The following MYRF variants were observed in gnomAD, a reference collection of about 807,000 sequenced individuals.
MYRF encodes the protein myelin gene regulatory factor.
Under a neutral mutation model 126.3 loss-of-function variants are expected in MYRF, and 16 were observed. The observed-to-expected ratio is 0.13, with a 90% confidence interval of 0.09 to 0.19. The LOEUF is 0.19. Ranked by LOEUF, MYRF falls within the 10% of genes least tolerant of loss-of-function variation. The pLI is 1.00. For synonymous variants in MYRF, 608 were observed against 635.3 expected, an observed-to-expected ratio of 0.96 and a Z score of 0.65; for missense variants, 1,104 against 1,547.0, an observed-to-expected ratio of 0.71 and a Z score of 4.80.
In MYRF at chr11:61,781,844, C is replaced by A; in HGVS notation, c.3016+20C>A. 6.6e-7 allele frequency: 1 copy of A among 1,518,398 alleles called. No individual in the cohort carries two copies. The highest frequency in any genetic ancestry group is 1.3e-5 in the South Asian group (1 of 76,830). The allele number at this position is 1,518,398 out of a possible 1,614,324, so 94.1% of individuals were successfully genotyped here. A position where few individuals can be genotyped will look rare whatever the true frequency, so the allele number is the denominator to read the frequency against. ...AGTCAGGTACTTGCTGCACCCCTGACACTACCCAGCCCAGCCTGGCAAGGC... is the reference window on the plus strand; with the variant it reads ...AGTCAGGTACTTGCTGCACCCCTGAAACTACCCAGCCCAGCCTGGCAAGGC... On this transcript the variant is annotated intron_variant, in intron 22 of 26. Coordinates refer to ENST00000278836, the MANE Select transcript of MYRF (RefSeq NM_001127392.3).
At chr11:61,769,905 G>A (rs879312835) in intron 4 of MYRF, among the ~76,000 whole-genome samples, 1 of 152,074 alleles carries the variant, frequency 6.6e-6, no homozygotes, top group South Asian at 2.1e-4. Flanking sequence ...GGGGGTCTCC[G>A]GAGACGCCTT....
intron 21 of MYRF, 27 bp downstream of exon 21, chr11:61,781,356 G>C: frequency 1.2e-6 from 2 of 1,610,180 alleles, no homozygotes; most frequent in Non-Finnish European, 1.7e-6. Flanking sequence ...GCTGGGGCTT[G>C]GGGCGGGGGC....
rs752534115 is a variant in MYRF, at chr11:61,779,404, G to A, written c.2155G>A (p.Gly719Ser). ...LRRLDSLKST[G>S]SSGAFSHAGS... ...GCGGCTCGACAGCCTCAAGTCCACC[G>A]GCAGCTCGGGCGCCTTCAGGTAGGG... Residue 719 changes from glycine to serine, a missense_variant, in exon 15 of 27, where the codon GGC (glycine) becomes AGC (serine). By Grantham distance (56) the Gly-to-Ser change is moderately conservative. Transcript: ENST00000278836. 57 of 1,551,182 alleles carry A rather than the reference G, an allele frequency of 3.7e-5. No homozygotes were observed. In the East Asian group the frequency reaches 1.2e-3, roughly 33 times the overall value.
At position 61,771,992 on chromosome 11, in the gene MYRF, C is replaced by T. The variant is rs774197948; in HGVS notation, c.1115+40C>T. The stretch of plus-strand genomic sequence containing the variant: ...ACACTCCCCACTCCTCCAGGCCCCC[C>T]CACCTTGGGACGCCCCAGCCCAGGA... On this transcript the variant is annotated intron_variant, in intron 7 of 26. Coordinates refer to ENST00000278836, the MANE Select transcript of MYRF (RefSeq NM_001127392.3). 3.1e-6 allele frequency: 5 copies of T among 1,609,994 alleles called. No homozygotes were observed. In the Admixed American group the frequency reaches 6.7e-5, roughly 22 times the overall value.
rs141597490 is a variant in MYRF at position 61,778,501 on chromosome 11, G to C, written c.2013+12G>C. ...TGGTGGTGAACAAGGTCTGTGGGTGGGGGAATGGGAGGGAGCCCAGAGGCA... is the reference window on the plus strand; with the variant it reads ...TGGTGGTGAACAAGGTCTGTGGGTGCGGGAATGGGAGGGAGCCCAGAGGCA... On this transcript the variant is annotated intron_variant, in intron 14 of 26. Coordinates refer to ENST00000278836, the MANE Select transcript of MYRF (RefSeq NM_001127392.3). The surrounding 1 kb of genome is among the most constrained non-coding windows in gnomAD (Gnocchi z 4.6). 1.1e-3 allele frequency: 1,681 copies of C among 1,599,780 alleles called. 15 individuals are homozygous for C. In the African/African-American group the frequency reaches 0.019, roughly 18 times the overall value.
chr11:61,762,800 A>C (rs966489193), intron 1 of MYRF, among the ~76,000 whole-genome samples: 3 of 152,042 alleles, frequency 2.0e-5, no homozygotes, highest in African/African-American at 7.2e-5. Flanking sequence ...CCCAACCCTC[A>C]AACTTCTTCC....
Position 61,766,063 on chromosome 11 carries a change from T to C in MYRF, c.240T>C (p.Gly80=). The change falls in exon 3 of 27, where the codon GGT becomes GGC. Residue 80 remains glycine (G), a synonymous_variant. Coordinates refer to ENST00000278836, the MANE Select transcript of MYRF (RefSeq NM_001127392.3). ...SGVHHLSPPG[G]GPSPGRHGPL... ...TCCACCACCTGAGCCCCCCTGGGGGTGGACCCTCCCCGGGGCGCCATGGTC... is the reference window on the plus strand; with the variant it reads ...TCCACCACCTGAGCCCCCCTGGGGGCGGACCCTCCCCGGGGCGCCATGGTC... The C allele has an allele frequency of 6.2e-7, 1 of 1,603,418 alleles. No individual in the cohort carries two copies. The highest frequency in any genetic ancestry group is 8.5e-7 in the Non-Finnish European group (1 of 1,177,716).
In MYRF at chr11:61,757,073, C is replaced by G. The variant is rs1236158805; in HGVS notation, c.46+4283C>G. The G allele has an allele frequency of 4.6e-6, 2 of 430,146 alleles. No homozygotes were observed. The highest frequency in any genetic ancestry group is 9.6e-6 in the Non-Finnish European group (2 of 209,294). 26.6% of individuals were successfully genotyped at this position (430,146 alleles called of 1,614,324 possible). On this transcript the variant is annotated intron_variant, in intron 1 of 26. Coordinates refer to ENST00000278836, the MANE Select transcript of MYRF (RefSeq NM_001127392.3). This position sits in a 1 kb window ranked among gnomAD's most constrained non-coding sequence, Gnocchi z 4.7. ...GGGTGGCCCCGCCCTACCCAGGCAGCCTGCCTTACCTTCCCACCTTCCTCT... is the reference window on the plus strand; with the variant it reads ...GGGTGGCCCCGCCCTACCCAGGCAGGCTGCCTTACCTTCCCACCTTCCTCT...
At position 61,766,007 on chromosome 11, in the gene MYRF, G is replaced by A. The variant is rs769855524; in HGVS notation, c.184G>A (p.Gly62Arg). The change falls in exon 3 of 27, where the codon GGG becomes AGG. Residue 62 changes from glycine to arginine, a missense_variant. By Grantham distance (125) the Gly-to-Arg change is moderately radical (BLOSUM62 -2). Coordinates refer to ENST00000278836, the MANE Select transcript of MYRF (RefSeq NM_001127392.3). ...AGCCAGCTCGGCCTCCTACTCCCAC[G>A]GGCAGCCTGCGATGCCTGGCTCCAG... The part of the protein sequence containing the change: ...APASSASYSH[G>R]QPAMPGSSGV... The A allele has an allele frequency of 1.2e-5, 19 of 1,579,916 alleles. No homozygotes were observed. In the East Asian group the frequency reaches 3.2e-4, roughly 26 times the overall value.
At chr11:61,770,665 G>T (rs988805134) in intron 5 of MYRF, 140 bp downstream of exon 5, 3 of 762,318 alleles carry the variant, frequency 3.9e-6, no homozygotes, top group Non-Finnish European at 6.2e-6. Context: ...AGGGCAGATG[G>T]GGGTAACATA....
At chr11:61,754,226 A>C (rs2135659146) in intron 1 of MYRF, 1 of 152,516 alleles carries the variant, frequency 6.6e-6, no homozygotes, top group Non-Finnish European at 1.5e-5. Flanking sequence ...CAGCCCAGGC[A>C]GGGGCACCCC....
chr11:61,761,366 C>A (rs2065895728), intron 1 of MYRF, among the ~76,000 whole-genome samples: 3 of 152,120 alleles, frequency 2.0e-5, no homozygotes, highest in Non-Finnish European at 4.4e-5. Context: ...CTTGGGTGCC[C>A]TCCGTTCCTT....
At chr11:61,761,298 G>A (rs1178262862) in intron 1 of MYRF, among the ~76,000 whole-genome samples, 1 of 152,000 alleles carries the variant, frequency 6.6e-6, no homozygotes, top group Non-Finnish European at 1.5e-5. Context: ...GGGCGGAAGG[G>A]AGGGGTCCTG....
chr11:61,764,044 G>A (rs1189612875), intron 1 of MYRF, among the ~76,000 whole-genome samples: 2 of 152,228 alleles, frequency 1.3e-5, no homozygotes, highest in Non-Finnish European at 2.9e-5. Context: ...AGCTCGAGAA[G>A]CTGCTCTTGC....
chr11:61,771,246 G>C (rs1254589099), intron 5 of MYRF, among the ~76,000 whole-genome samples: 2 of 152,254 alleles, frequency 1.3e-5, no homozygotes, highest in Non-Finnish European at 2.9e-5. Context: ...TGCTGGGCAT[G>C]ATGGAGACAC....
intron 1 of MYRF, among the ~76,000 whole-genome samples, chr11:61,759,055 G>A (rs750268429): frequency 2.0e-5 from 3 of 152,262 alleles, no homozygotes; most frequent in Admixed American, 6.5e-5. Flanking sequence ...ATATGTGTGT[G>A]TGTTGGCAGT....
chr11:61,779,625 T>C (rs934319616), intron 16 of MYRF, 55 bp downstream of exon 16: 40 of 1,424,804 alleles, frequency 2.8e-5, no homozygotes, highest in Non-Finnish European at 3.6e-5. Context: ...CCTTGTGGCC[T>C]CCCTTTCTGG....
chr11:61,780,454 G>C (rs1207253238), intron 18 of MYRF, among the ~76,000 whole-genome samples, 164 bp downstream of exon 18: 1 of 152,152 alleles, frequency 6.6e-6, no homozygotes, highest in Admixed American at 6.5e-5. Context: ...TTGGAGGGTG[G>C]GCAGCCTTTC....
At position 61,783,934 on chromosome 11, in the gene MYRF, C is replaced by T. The variant is rs186667754; in HGVS notation, c.3194+9C>T. On this transcript the variant is annotated intron_variant, in intron 24 of 26. Coordinates refer to ENST00000278836, the MANE Select transcript of MYRF (RefSeq NM_001127392.3). This position sits in a 1 kb window ranked among gnomAD's most constrained non-coding sequence, Gnocchi z 4.6. ...CTGACTCTGCAGATGAAGTGAGTGC[C>T]GGTGTGGGGAAGTGGGAGGCAGGAG... The T allele has an allele frequency of 3.1e-5, 49 of 1,595,546 alleles. No individual in the cohort carries two copies. Among genetic ancestry groups the T allele is most frequent in the East Asian group, 2.5e-4 (11 of 44,376 alleles).
Sources: allele counts gnomAD v4.1 joint callset (sites outside exome capture counted in the v4.1 genomes callset), GRCh38; gene constraint gnomAD v4.1.1; non-coding constraint Gnocchi (gnomAD v3.1); transcripts MANE v1.5; gene names NCBI Gene and HGNC (gene_info 2026-07-23, HGNC 2026-07-21).